POF1B: variants seen among roughly 807,000 people sequenced by gnomAD.
POF1B encodes the protein POF1B actin binding protein.
Under a neutral mutation model 55.3 loss-of-function variants are expected in POF1B, and 53 were observed. The ratio of observed to expected loss-of-function variants is 0.96; its 90% CI spans 0.77 to 1.20. POF1B has a LOEUF of 1.20. Among genes scored for constraint, POF1B ranks in the 50% most tolerant of loss-of-function variants. The pLI, the probability that POF1B is intolerant of heterozygous loss-of-function variation, is 0.00. For synonymous variants in POF1B, 188 were observed against 148.3 expected, an observed-to-expected ratio of 1.27 and a Z score of -1.95; for missense variants, 478 against 420.5, an observed-to-expected ratio of 1.14 and a Z score of -1.20.
chrX:85,296,625 T>A (rs1379196290), intron 15 of POF1B, among the ~76,000 whole-genome samples: 1 of 112,059 alleles, frequency 8.9e-6, no homozygotes, highest in East Asian at 2.8e-4. Flanking sequence ...CTGATAGAGT[T>A]TCCTTTGTAA....
intron 9 of POF1B, among the ~76,000 whole-genome samples, chrX:85,313,112 C>T (rs1031606395): frequency 5.4e-5 from 6 of 111,690 alleles, no homozygotes; most frequent in African/African-American, 2.0e-4. Flanking sequence ...ACAATCATGT[C>T]GTCTGCAAAC....
intron 16 of POF1B, among the ~76,000 whole-genome samples, chrX:85,280,526 A>G (rs777616657): frequency 9.0e-6 from 1 of 111,274 alleles, no homozygotes; most frequent in South Asian, 3.8e-4. Flanking sequence ...AAGACCTTGA[A>G]TCTCTCCTTA....
At chrX:85,350,130 C>A (rs1254011256) in intron 5 of POF1B, among the ~76,000 whole-genome samples, 1 of 109,738 alleles carries the variant, frequency 9.1e-6, no homozygotes, top group Admixed American at 9.8e-5. Flanking sequence ...TGTGCTGCAC[C>A]CACTAACTCG....
intron 2 of POF1B, among the ~76,000 whole-genome samples, chrX:85,377,799 T>A (rs979326201): frequency 8.0e-5 from 9 of 112,055 alleles, no homozygotes; most frequent in Non-Finnish European, 1.7e-4. Flanking sequence ...TAAAACATAC[T>A]CCTAAAAATT....
chrX:85,304,943 C>T (rs1932538156), intron 13 of POF1B, among the ~76,000 whole-genome samples: 1 of 111,132 alleles, frequency 9.0e-6, no homozygotes, highest in Non-Finnish European at 1.9e-5. Flanking sequence ...GGTTAAATGA[C>T]ACAGTCACGC....
chrX:85,315,759 A>T lies in POF1B; in HGVS notation c.855-25T>A, dbSNP rs1467553971. 7.0e-6 allele frequency: 8 copies of T among 1,148,436 alleles called. No homozygotes were observed. In the Admixed American group the frequency reaches 2.1e-4, roughly 31 times the overall value. The allele number at this position is 1,148,436 out of a possible 1,213,427, so 94.6% of individuals were successfully genotyped here. Reference sequence around the variant, plus strand: ...GCTGCAAGAACAAAAAAAAAGATACACAACTTTAGGAAAAGGTATTCACTG... The same window carrying T: ...GCTGCAAGAACAAAAAAAAAGATACTCAACTTTAGGAAAAGGTATTCACTG... On this transcript the variant is annotated intron_variant, in intron 7 of 16. Transcript: ENST00000262753.
In POF1B at chrX:85,279,333, G is replaced by A; in HGVS notation, c.*88C>T. 1 of 956,149 alleles carries A rather than the reference G, an allele frequency of 1.0e-6. No homozygotes were observed. Among genetic ancestry groups the A allele is most frequent in the Non-Finnish European group, 1.5e-6 (1 of 686,716 alleles). The allele number at this position is 956,149 out of a possible 1,213,427, so 78.8% of individuals were successfully genotyped here. On this transcript the variant is annotated 3_prime_UTR_variant, in exon 17 of 17. Transcript: ENST00000262753. ...GGTTCCAAATTCTGATTGGCCTTTA[G>A]TGATGGAAAAATAACAAAGTACTAA...
chrX:85,346,193 A>T, intron 5 of POF1B, 151 bp from the exon 6 acceptor site: 1 of 429,470 alleles, frequency 2.3e-6, no homozygotes, highest in African/African-American at 2.6e-5. Context: ...TATTTTTTCA[A>T]TTTTTTTCAT....
chrX:85,358,522 A>G (rs1398399886), intron 4 of POF1B, among the ~76,000 whole-genome samples: 1 of 111,630 alleles, frequency 9.0e-6, no homozygotes, highest in Non-Finnish European at 1.9e-5. Flanking sequence ...CACTAATGGA[A>G]CAAAGGTATT....
intron 15 of POF1B, among the ~76,000 whole-genome samples, chrX:85,290,654 G>C (rs1301318612): frequency 1.8e-5 from 2 of 111,855 alleles, no homozygotes; most frequent in Non-Finnish European, 3.8e-5. Flanking sequence ...TCTAACTGGT[G>C]TGAAATGGTT....
intron 15 of POF1B, among the ~76,000 whole-genome samples, chrX:85,299,487 A>G (rs1433948016): frequency 9.8e-6 from 1 of 101,738 alleles, no homozygotes; most frequent in East Asian, 3.1e-4. Flanking sequence ...ACCGGGTTTC[A>G]CCGTGTTAGC....
In POF1B at chrX:85,307,261, T is replaced by C. The variant is rs759475287; in HGVS notation, c.1066A>G (p.Lys356Glu). Reference protein sequence around the residue: ...QNDMTSLENDKMRLEKDLSFK... With the variant: ...QNDMTSLENDEMRLEKDLSFK... Reference sequence around the variant, plus strand: ...GATAAATCTTTCTCAAGTCTCATCTTGTCATTTTCCAGTGACTAGAAGCAT... The same window carrying C: ...GATAAATCTTTCTCAAGTCTCATCTCGTCATTTTCCAGTGACTAGAAGCAT... Residue 356 changes from lysine to glutamate, a missense_variant, in exon 11 of 17, where the codon AAG becomes GAG. Physicochemically the swap from Lys to Glu is moderately conservative, Grantham distance 56. Coordinates refer to ENST00000262753, the MANE Select transcript of POF1B (RefSeq NM_024921.4). 1.7e-6 allele frequency: 2 copies of C among 1,188,811 alleles called. No homozygotes were observed. The highest frequency in any genetic ancestry group is 2.3e-6 in the Non-Finnish European group (2 of 880,706).
At chrX:85,304,272 A>G (rs1427509204) in intron 14 of POF1B, 71 bp downstream of exon 14, 2 of 944,727 alleles carry the variant, frequency 2.1e-6, no homozygotes, top group African/African-American at 4.1e-5. Flanking sequence ...GTCCATGGGA[A>G]GTATTTATCC....
intron 6 of POF1B, among the ~76,000 whole-genome samples, chrX:85,332,182 T>C (rs997187126): frequency 4.5e-5 from 5 of 111,764 alleles, no homozygotes; most frequent in Non-Finnish European, 9.4e-5. Context: ...TGTTAGTATA[T>C]CTTAAAGGTA....
At chrX:85,367,117 C>A (rs190798365) in intron 3 of POF1B, among the ~76,000 whole-genome samples, 200 of 111,101 alleles carry the variant, frequency 1.8e-3, no homozygotes, top group African/African-American at 6.2e-3. Context: ...TTATGTTTTT[C>A]TTTCTTCGAA....
chrX:85,369,116 C>T (rs1286034193), intron 2 of POF1B, among the ~76,000 whole-genome samples: 2 of 111,752 alleles, frequency 1.8e-5, no homozygotes, highest in African/African-American at 6.5e-5. Context: ...CCTCCACCAC[C>T]CTTTATATCA....
At position 85,300,456 on chromosome X, in the gene POF1B, G is replaced by A. The variant is rs6623259; in HGVS notation, c.1649+2950C>T. ...GTTAACTGACCACTAAGATAAATGAGCAGAGACTTCAGTGACCACATATGA... is the reference window on the plus strand; with the variant it reads ...GTTAACTGACCACTAAGATAAATGAACAGAGACTTCAGTGACCACATATGA... On this transcript the variant is annotated intron_variant, in intron 15 of 16. Coordinates refer to ENST00000262753, the MANE Select transcript of POF1B (RefSeq NM_024921.4). 7.9e-3 allele frequency among the ~76,000 whole-genome samples: 886 copies of A among 112,071 alleles called. 11 individuals carry two copies. The highest frequency in any genetic ancestry group is 0.027 in the African/African-American group (841 of 30,846).
chrX:85,283,581 G>A (rs1931960872), intron 15 of POF1B, among the ~76,000 whole-genome samples: 1 of 109,942 alleles, frequency 9.1e-6, no homozygotes, highest in African/African-American at 3.3e-5. Context: ...AATATCAAAT[G>A]TCCTCATATA....
At chrX:85,306,158 T>C in intron 12 of POF1B, 23 bp downstream of exon 12, 1 of 1,159,705 alleles carries the variant, frequency 8.6e-7, no homozygotes, top group Non-Finnish European at 1.2e-6. Flanking sequence ...TAATACTGTA[T>C]ATTTAAAAGG....
Sources: gnomAD v4.1 joint callset for allele counts (sites outside exome capture counted in the v4.1 genomes callset) on GRCh38, gnomAD v4.1.1 for gene constraint, MANE v1.5 for transcripts, NCBI Gene and HGNC (gene_info 2026-07-23, HGNC 2026-07-21) for gene names.